Variants in COL27A1 observed in about 807,000 individuals in gnomAD.
The protein encoded by COL27A1 is collagen type XXVII alpha 1 chain.
A neutral mutation model predicts 251.3 loss-of-function variants in COL27A1; 106 were observed. The observed-to-expected ratio is 0.42, with a 90% CI of 0.36 to 0.50. The LOEUF is 0.50. Among genes scored for constraint, COL27A1 ranks in the 20% least tolerant of loss-of-function variants. COL27A1 has a pLI of 0.00. For synonymous variants in COL27A1, 1,000 were observed against 986.3 expected (o/e 1.01, Z -0.26); for missense variants, 2,325 against 2,522.8 (o/e 0.92, Z 1.68).
intron 4 of COL27A1, among the ~76,000 whole-genome samples, chr9:114,181,097 A>C (rs1163690219): frequency 1.3e-5 from 2 of 152,214 alleles, no homozygotes; most frequent in Non-Finnish European, 2.9e-5. Context: ...TGGGGTGAAC[A>C]TCGGAGGGTG....
chr9:114,306,470 G>C (rs781128702), intron 57 of COL27A1, 50 bp from the exon 58 acceptor site: 1 of 1,597,556 alleles, frequency 6.3e-7, no homozygotes, highest in Non-Finnish European at 8.5e-7. Context: ...TTGAACCCCA[G>C]GCTGGACCAG....
intron 24 of COL27A1, among the ~76,000 whole-genome samples, chr9:114,248,852 G>T (rs1005133941): frequency 4.6e-5 from 7 of 152,128 alleles, no homozygotes; most frequent in African/African-American, 1.7e-4. Context: ...GTCAGGCAGG[G>T]GCCTTTTAAC....
intron 42 of COL27A1, 88 bp from the exon 43 acceptor site, chr9:114,288,614 G>A: frequency 1.3e-6 from 2 of 1,552,064 alleles, no homozygotes; most frequent in Non-Finnish European, 1.8e-6. Context: ...GTCCCTGAGA[G>A]CTCCGCAGAG....
intron 23 of COL27A1, among the ~76,000 whole-genome samples, chr9:114,244,016 C>T (rs767522770): frequency 6.6e-6 from 1 of 150,990 alleles, no homozygotes; most frequent in Admixed American, 6.6e-5. Context: ...ACCTCTGCCT[C>T]CCAGGTTCAA....
chr9:114,278,548 A>G (rs1835699902), intron 37 of COL27A1, among the ~76,000 whole-genome samples: 1 of 123,198 alleles, frequency 8.1e-6, no homozygotes, highest in Non-Finnish European at 1.6e-5. Context: ...TGATGGTAGT[A>G]GTGATGGCAG....
chr9:114,156,050 C>G (rs771576485), intron 1 of COL27A1, 38 bp downstream of exon 1: 1 of 1,295,836 alleles, frequency 7.7e-7, no homozygotes, highest in Non-Finnish European at 9.8e-7. Context: ...CCCTAGCTTC[C>G]TGCTGCTCCA....
intron 4 of COL27A1, among the ~76,000 whole-genome samples, chr9:114,181,936 A>G (rs1827952000): frequency 6.6e-6 from 1 of 152,182 alleles, no homozygotes; most frequent in South Asian, 2.1e-4. Flanking sequence ...TGGAGCTTGC[A>G]GGTGTCTAAG....
At chr9:114,259,506 T>C (rs1347792090) in intron 28 of COL27A1, among the ~76,000 whole-genome samples, 1 of 152,184 alleles carries the variant, frequency 6.6e-6, no homozygotes, top group Non-Finnish European at 1.5e-5. Context: ...AGAAAGCCTT[T>C]GATTCCTGGG....
At chr9:114,157,109 C>T (rs910499107) in intron 1 of COL27A1, among the ~76,000 whole-genome samples, 5 of 151,554 alleles carry the variant, frequency 3.3e-5, no homozygotes, top group Non-Finnish European at 5.9e-5. Context: ...CACACATACG[C>T]GCGCGCGGCA....
At chr9:114,270,817 G>T (rs371437609) in intron 36 of COL27A1, 36 bp downstream of exon 36, 1 of 1,521,690 alleles carries the variant, frequency 6.6e-7, no homozygotes, top group East Asian at 2.3e-5. Flanking sequence ...TGGGGACCCC[G>T]GCAGGGCATT....
chr9:114,201,875 G>A (rs144942680), intron 7 of COL27A1, among the ~76,000 whole-genome samples: 58 of 152,310 alleles, frequency 3.8e-4, no homozygotes, highest in African/African-American at 1.1e-3. Flanking sequence ...AGGCCTCAAT[G>A]AGCATGTTTC....
chr9:114,171,364 A>G (rs1588577145), intron 3 of COL27A1, among the ~76,000 whole-genome samples: 1 of 151,842 alleles, frequency 6.6e-6, no homozygotes, highest in African/African-American at 2.4e-5. Context: ...CTGAGTGTCC[A>G]CTCTGAGGCT....
chr9:114,163,241 A>G (rs1017552419), intron 2 of COL27A1, among the ~76,000 whole-genome samples: 98 of 152,292 alleles, frequency 6.4e-4, no homozygotes, highest in Non-Finnish European at 1.0e-3. Context: ...TCAAAAAAAA[A>G]AAGAATCGCA....
chr9:114,243,761 G>A (rs1832921787), intron 23 of COL27A1, among the ~76,000 whole-genome samples: 1 of 151,994 alleles, frequency 6.6e-6, no homozygotes, highest in African/African-American at 2.4e-5. Context: ...TCAAGTAGTG[G>A]GATATAGTCC....
At chr9:114,194,737 G>A (rs886491760) in intron 6 of COL27A1, among the ~76,000 whole-genome samples, 19 of 152,228 alleles carry the variant, frequency 1.2e-4, no homozygotes, top group African/African-American at 4.3e-4. Flanking sequence ...CTTGGTGAAT[G>A]TCCTTTTGCC....
At chr9:114,181,970 C>T (rs1827954701) in intron 4 of COL27A1, among the ~76,000 whole-genome samples, 1 of 152,082 alleles carries the variant, frequency 6.6e-6, no homozygotes, top group Non-Finnish European at 1.5e-5. Flanking sequence ...GTTGTAGCCA[C>T]AGGAGAGGTG....
At position 114,204,140 on chromosome 9, in the gene COL27A1, T is replaced by A. The variant is rs527606676; in HGVS notation, c.2125-962T>A. 1.9e-4 allele frequency among the ~76,000 whole-genome samples: 29 copies of A among 152,254 alleles called. 1 individual carries two copies. The South Asian group carries it at 6.0e-3, about 32-fold the overall frequency. ...CTTCAAATTCTAGGGTTCTAAAACA[T>A]CATAGCTGAAGAGGACTCAAGAGTT... On this transcript the variant is annotated intron_variant, in intron 7 of 60. Transcript: ENST00000356083.
At chr9:114,230,940 T>C in intron 14 of COL27A1, 139 bp from the exon 15 acceptor site, 1 of 622,782 alleles carries the variant, frequency 1.6e-6, no homozygotes, top group East Asian at 2.9e-5. Flanking sequence ...TGAAGAACAT[T>C]CCAGATTCCA....
chr9:114,228,085 C>G (rs1042177087), intron 14 of COL27A1, among the ~76,000 whole-genome samples: 2 of 152,108 alleles, frequency 1.3e-5, no homozygotes, highest in African/African-American at 4.8e-5. Context: ...CATGGGATGC[C>G]CATGGCAGGT....
Sources: gnomAD v4.1 joint callset for allele counts (sites outside exome capture counted in the v4.1 genomes callset) on GRCh38, gnomAD v4.1.1 for gene constraint, MANE v1.5 for transcripts, NCBI Gene and HGNC (gene_info 2026-07-23, HGNC 2026-07-21) for gene names.